The following COX7B2 variants were observed in gnomAD, a reference collection of about 807,000 sequenced individuals.
COX7B2 encodes cytochrome c oxidase subunit 7B2, also known as cytochrome c oxidase subunit 7B2, mitochondrial.
For missense variants in COX7B2, 109 were observed against 95.9 expected (o/e 1.14, Z -0.57); for synonymous variants, 37 against 32.1 (o/e 1.15, Z -0.51).
chr4:46,821,358 G>A (rs1190131095), intron 2 of COX7B2, among the ~76,000 whole-genome samples: 5 of 152,158 alleles, frequency 3.3e-5, no homozygotes, highest in African/African-American at 4.8e-5. Context: ...CTTCTTTGAA[G>A]TTTGCGGCAA....
intron 1 of COX7B2, among the ~76,000 whole-genome samples, chr4:46,868,963 A>G (rs1472217256): frequency 1.3e-5 from 2 of 152,118 alleles, no homozygotes; most frequent in East Asian, 3.9e-4. Context: ...TAATACTGTC[A>G]GTCGAGTGTT....
intron 1 of COX7B2, among the ~76,000 whole-genome samples, chr4:46,845,239 G>C (rs1485743766): frequency 6.6e-6 from 1 of 151,954 alleles, no homozygotes; most frequent in East Asian, 1.9e-4. Context: ...TTTTCCAATA[G>C]TGGTAGAGAA....
chr4:46,856,267 T>G (rs2109790080), intron 1 of COX7B2, among the ~76,000 whole-genome samples: 1 of 152,086 alleles, frequency 6.6e-6, no homozygotes, highest in East Asian at 1.9e-4. Context: ...AATCCCTAAA[T>G]TATCTGCTTT....
At chr4:46,784,095 CA>C (rs1265951109) in intron 2 of COX7B2, among the ~76,000 whole-genome samples, 2 of 152,108 alleles carry the variant, frequency 1.3e-5, no homozygotes, top group Non-Finnish European at 2.9e-5. Flanking sequence ...AGTTACGTCA[CA>C]ACTCTGCTAT....
chr4:46,840,946 G>A (rs986431024), intron 2 of COX7B2, among the ~76,000 whole-genome samples: 1 of 151,990 alleles, frequency 6.6e-6, no homozygotes, highest in East Asian at 1.9e-4. Flanking sequence ...ACAGAAGGCT[G>A]TCACTGACAT....
chr4:46,791,414 A>C (rs554256187), intron 2 of COX7B2, among the ~76,000 whole-genome samples: 1 of 152,326 alleles, frequency 6.6e-6, no homozygotes, highest in African/African-American at 2.4e-5. Flanking sequence ...ATTGGTTTTA[A>C]GTTTATAGGT....
intron 2 of COX7B2, among the ~76,000 whole-genome samples, chr4:46,823,851 T>C (rs953359993): frequency 2.0e-5 from 3 of 150,688 alleles, no homozygotes; most frequent in Admixed American, 2.0e-4. Flanking sequence ...GACAAACCTA[T>C]AGCAAGACTG....
Position 46,836,941 on chromosome 4 carries a change from G to A in COX7B2, c.-50+8019C>T, listed in dbSNP as rs147434278. ...ACCCTTAATTGAAACATCGTTATGC[G>A]GCACATGAATATATATTGACACTAA... is the stretch of plus-strand genomic sequence containing the variant. On this transcript the variant is annotated intron_variant, in intron 2 of 2. Transcript: ENST00000355591. Among the ~76,000 whole-genome samples the A allele has an allele frequency of 8.1e-3, 1,226 of 152,026 alleles. 16 individuals are homozygous for A. The highest frequency in any genetic ancestry group is 0.071 in the Middle Eastern group (21 of 294).
At chr4:46,797,393 G>A (rs1321386938) in intron 2 of COX7B2, among the ~76,000 whole-genome samples, 1 of 152,254 alleles carries the variant, frequency 6.6e-6, no homozygotes, top group Admixed American at 6.5e-5. Context: ...TTTAGCTTAG[G>A]TCTGTCCCAC....
At chr4:46,793,239 G>C (rs1007740120) in intron 2 of COX7B2, among the ~76,000 whole-genome samples, 1 of 151,792 alleles carries the variant, frequency 6.6e-6, no homozygotes, top group African/African-American at 2.4e-5. Context: ...TCACCTTGGG[G>C]CAGGCATCTT....
At chr4:46,876,362 T>C (rs916829774) in intron 1 of COX7B2, among the ~76,000 whole-genome samples, 3 of 151,956 alleles carry the variant, frequency 2.0e-5, no homozygotes, top group African/African-American at 7.2e-5. Context: ...GGAAGAATGA[T>C]CCTCTGATTT....
rs186848005 is a variant in COX7B2 at position 46,765,529 on chromosome 4, T to C, written c.-49-30288A>G. ...TGTCCTCCAGACTCAAGTTCCAGGC[T>C]TTCTCCAGCTCTAGGCAAGTCACTG... On this transcript the variant is annotated intron_variant, in intron 2 of 2. Transcript: ENST00000355591. 2.8e-4 allele frequency among the ~76,000 whole-genome samples: 42 copies of C among 152,238 alleles called. 1 individual carries two copies. The East Asian group carries it at 5.2e-3, about 19-fold the overall frequency.
At chr4:46,878,602 C>T (rs1308654471) in intron 1 of COX7B2, among the ~76,000 whole-genome samples, 1 of 151,900 alleles carries the variant, frequency 6.6e-6, no homozygotes, top group Non-Finnish European at 1.5e-5. Flanking sequence ...ATTTATTTCC[C>T]ACATCATAAT....
At chr4:46,908,998 G>A (rs2109916968) in intron 1 of COX7B2, among the ~76,000 whole-genome samples, 162 bp downstream of exon 1, 1 of 151,908 alleles carries the variant, frequency 6.6e-6, no homozygotes, top group Non-Finnish European at 1.5e-5. Flanking sequence ...GAGCCGAGAT[G>A]GCGTCACTGC....
intron 1 of COX7B2, among the ~76,000 whole-genome samples, chr4:46,873,957 A>C (rs2109830519): frequency 6.6e-6 from 1 of 152,244 alleles, no homozygotes; most frequent in East Asian, 1.9e-4. Context: ...TTGTTATTTA[A>C]GCCACAGTGC....
intron 2 of COX7B2, among the ~76,000 whole-genome samples, chr4:46,821,246 C>A (rs984113305): frequency 6.6e-6 from 1 of 152,172 alleles, no homozygotes; most frequent in East Asian, 1.9e-4. Flanking sequence ...AGAGAGAATT[C>A]AGTCACTCTC....
At position 46,846,857 on chromosome 4, in the gene COX7B2, C is replaced by A. The variant is rs1368053766; in HGVS notation, c.-104-1843G>T. Among the ~76,000 whole-genome samples, 3 of 151,890 alleles carry A rather than the reference C, an allele frequency of 2.0e-5. No homozygotes were observed. In the East Asian group the frequency reaches 5.8e-4, roughly 29 times the overall value. ...GAAGAATGTAGAGTCAAGGATGATA[C>A]AAAGGTTTTTATCTGAGTAACTGAG... On this transcript the variant is annotated intron_variant, in intron 1 of 2. Transcript: ENST00000355591.
At chr4:46,825,102 G>T (rs1336332308) in intron 2 of COX7B2, among the ~76,000 whole-genome samples, 1 of 152,006 alleles carries the variant, frequency 6.6e-6, no homozygotes, top group Non-Finnish European at 1.5e-5. Flanking sequence ...AACTATCTCT[G>T]CAGATGACAT....
intron 1 of COX7B2, among the ~76,000 whole-genome samples, chr4:46,867,688 G>A (rs1234078784): frequency 6.6e-6 from 1 of 152,152 alleles, no homozygotes; most frequent in Non-Finnish European, 1.5e-5. Context: ...CAATAAACCT[G>A]CTTATGCTGA....
Sources: gnomAD v4.1 joint callset for allele counts (sites outside exome capture counted in the v4.1 genomes callset) on GRCh38, gnomAD v4.1.1 for gene constraint, MANE v1.5 for transcripts, NCBI Gene and HGNC (gene_info 2026-07-23, HGNC 2026-07-21) for gene names.